Variants in STRN3 observed in about 807,000 individuals in gnomAD.
The protein encoded by STRN3 is striatin-3.
Under a neutral mutation model 95.6 loss-of-function variants are expected in STRN3, and 29 were observed. The ratio of observed to expected loss-of-function variants is 0.30; its 90% CI spans 0.23 to 0.41. The LOEUF is 0.41. Among genes scored for constraint, STRN3 ranks in the 10% least tolerant of loss-of-function variants. STRN3 has a pLI of 1.00. For missense variants in STRN3, 890 were observed against 972.1 expected, an observed-to-expected ratio of 0.92 and a Z score of 1.12; for synonymous variants, 331 against 357.6, an observed-to-expected ratio of 0.93 and a Z score of 0.84.
chr14:30,894,987 C>G lies in STRN3; in HGVS notation c.*424G>C. The G allele has an allele frequency of 1.3e-6, 1 of 793,042 alleles. No individual in the cohort carries two copies. Among genetic ancestry groups the G allele is most frequent in the South Asian group, 2.4e-5 (1 of 41,024 alleles). 49.1% of individuals were successfully genotyped at this position (793,042 alleles called of 1,614,324 possible). ...ATCACTAAGAGATGAAAAAAAGCTA[C>G]TCTTGGAGCTCACTTCCCCCAACAA... On this transcript the variant is annotated 3_prime_UTR_variant, in exon 18 of 18. Coordinates refer to ENST00000357479, the MANE Select transcript of STRN3 (RefSeq NM_001083893.2).
At chr14:31,003,487 A>C (rs1182027628) in intron 1 of STRN3, among the ~76,000 whole-genome samples, 1 of 152,038 alleles carries the variant, frequency 6.6e-6, no homozygotes, top group African/African-American at 2.4e-5. Flanking sequence ...TGGAGGGTGG[A>C]TCCCTCATGA....
In STRN3 at chr14:30,895,592, C is replaced by A. The variant is rs202086970; in HGVS notation, c.2225-12G>T. 6.2e-6 allele frequency: 10 copies of A among 1,609,938 alleles called. No homozygotes were observed. The Admixed American group carries it at 1.5e-4, about 24-fold the overall frequency. ...GGAACAGTCATGGCCTGTAAAAGAA[C>A]AAATAAAATTTGTTACTGAGTAACA... On this transcript the variant is annotated splice_polypyrimidine_tract_variant and intron_variant, in intron 17 of 17. Transcript: ENST00000357479.
At chr14:30,936,164 T>A (rs1878807258) in intron 6 of STRN3, among the ~76,000 whole-genome samples, 1 of 152,234 alleles carries the variant, frequency 6.6e-6, no homozygotes, top group African/African-American at 2.4e-5. Flanking sequence ...CTTCAGTTAA[T>A]TTATCACTGG....
chr14:30,993,691 T>C (rs1276495509), intron 1 of STRN3, among the ~76,000 whole-genome samples: 1 of 125,510 alleles, frequency 8.0e-6, no homozygotes, highest in Non-Finnish European at 1.9e-5. Context: ...TATACTTCTA[T>C]TTTTTGAGAC....
At chr14:30,962,627 T>C (rs1478787458) in intron 1 of STRN3, among the ~76,000 whole-genome samples, 1 of 152,126 alleles carries the variant, frequency 6.6e-6, no homozygotes, top group Non-Finnish European at 1.5e-5. Context: ...TCAACCTCCC[T>C]AGGTTCAGGT....
intron 1 of STRN3, among the ~76,000 whole-genome samples, chr14:30,981,753 G>C (rs566267008): frequency 1.8e-4 from 28 of 152,282 alleles, no homozygotes; most frequent in Non-Finnish European, 3.2e-4. Flanking sequence ...TTGCTTGCAA[G>C]AGCTTATAAA....
chr14:30,996,799 G>A (rs945346626), intron 1 of STRN3, among the ~76,000 whole-genome samples: 4 of 151,832 alleles, frequency 2.6e-5, no homozygotes, highest in African/African-American at 9.7e-5. Flanking sequence ...CCAGGAGATG[G>A]AGAATGCAGT....
intron 5 of STRN3, among the ~76,000 whole-genome samples, chr14:30,943,557 G>A (rs1380726598): frequency 1.3e-5 from 2 of 152,144 alleles, no homozygotes; most frequent in South Asian, 2.1e-4. Context: ...CTGTGATTGT[G>A]CCACTGCACT....
intron 14 of STRN3, 33 bp downstream of exon 14, chr14:30,906,844 C>A: frequency 6.3e-7 from 1 of 1,585,898 alleles, no homozygotes; most frequent in East Asian, 2.2e-5. Context: ...TTTAAAAAAA[C>A]TAACTTTTCT....
At chr14:30,987,072 A>C (rs1027093421) in intron 1 of STRN3, among the ~76,000 whole-genome samples, 1 of 152,220 alleles carries the variant, frequency 6.6e-6, no homozygotes, top group South Asian at 2.1e-4. Flanking sequence ...TTATGGTACA[A>C]GAAGGCATAC....
At chr14:31,021,793 T>C (rs7143908) in intron 1 of STRN3, among the ~76,000 whole-genome samples, 35,447 of 151,970 alleles carry the variant, frequency 0.23, 4,367 homozygotes, top group Non-Finnish European at 0.26. Context: ...ACAGAAAACA[T>C]AGTGTTCTAC....
At chr14:30,986,697 A>G (rs538187705) in intron 1 of STRN3, among the ~76,000 whole-genome samples, 194 of 152,352 alleles carry the variant, frequency 1.3e-3, no homozygotes, top group African/African-American at 4.3e-3. Context: ...CTTATTGAAT[A>G]AGTTAATGTT....
intron 9 of STRN3, among the ~76,000 whole-genome samples, chr14:30,915,126 CATT>C (rs1199662409): frequency 1.3e-5 from 2 of 151,894 alleles, no homozygotes; most frequent in Non-Finnish European, 2.9e-5. Flanking sequence ...AAAAGGGACA[CATT>C]ATACAAAAAA....
At chr14:30,895,835 ACAAT>A in intron 16 of STRN3, 87 bp from the exon 17 acceptor site, 1 of 1,171,314 alleles carries the variant, frequency 8.5e-7, no homozygotes, top group Non-Finnish European at 1.2e-6. Context: ...TCAACATAAA[ACAAT>A]CATTATAGCA....
intron 16 of STRN3, among the ~76,000 whole-genome samples, chr14:30,901,426 G>T (rs945525757): frequency 2.0e-5 from 3 of 152,076 alleles, no homozygotes; most frequent in Non-Finnish European, 4.4e-5. Flanking sequence ...GAACAAAAGG[G>T]TCTCATTGTT....
chr14:30,910,070 A>G (rs1896568097), intron 13 of STRN3, among the ~76,000 whole-genome samples: 1 of 152,024 alleles, frequency 6.6e-6, no homozygotes, highest in Non-Finnish European at 1.5e-5. Flanking sequence ...CTCGCCCCCA[A>G]TTTATTCTTC....
chr14:31,024,545 T>A lies in STRN3; in HGVS notation c.282+1359A>T, dbSNP rs141494997. 2.6e-3 allele frequency among the ~76,000 whole-genome samples: 396 copies of A among 152,336 alleles called. 1 individual carries two copies. Among genetic ancestry groups the A allele is most frequent in the African/African-American group, 9.1e-3 (379 of 41,580 alleles). On this transcript the variant is annotated intron_variant, in intron 1 of 17. Coordinates refer to ENST00000357479, the MANE Select transcript of STRN3 (RefSeq NM_001083893.2). ...ATGACTAACAAGTGTTACTTTTTTT[T>A]AAGACTTCATACAGTGTCAAAATAC...
chr14:30,962,846 T>A (rs867404828), intron 1 of STRN3, among the ~76,000 whole-genome samples: 3 of 152,106 alleles, frequency 2.0e-5, no homozygotes, highest in African/African-American at 7.2e-5. Context: ...TTTTTTTTTT[T>A]ACTATACCTT....
chr14:31,025,078 T>C (rs1398556505), intron 1 of STRN3: 4 of 152,206 alleles, frequency 2.6e-5, no homozygotes, highest in Non-Finnish European at 4.4e-5. Flanking sequence ...TAACATGATA[T>C]AACTACGTTT....
Sources: allele counts gnomAD v4.1 joint callset (sites outside exome capture counted in the v4.1 genomes callset), GRCh38; gene constraint gnomAD v4.1.1; transcripts MANE v1.5; gene names NCBI Gene and HGNC (gene_info 2026-07-23, HGNC 2026-07-21).